Variants in DPP4 observed in about 807,000 individuals in gnomAD.
DPP4 encodes dipeptidyl peptidase 4.
DPP4 carries 93 observed loss-of-function variants against 122.4 expected under a neutral mutation model. The observed-to-expected ratio is 0.76, with a 90% CI of 0.64 to 0.90. DPP4 has a LOEUF of 0.90. Ranked by LOEUF, DPP4 falls within the 40% of genes least tolerant of loss-of-function variation. The pLI is 0.00. For synonymous variants in DPP4, 321 were observed against 302.9 expected (o/e 1.06, Z -0.62); for missense variants, 914 against 907.3 (o/e 1.01, Z -0.09).
At chr2:161,995,220 C>A (rs1576028809) in intron 24 of DPP4, 80 bp downstream of exon 24, 1 of 1,390,232 alleles carries the variant, frequency 7.2e-7, no homozygotes, top group East Asian at 2.3e-5. Flanking sequence ...AACAGTCTTG[C>A]CCCTCATGCT....
intron 2 of DPP4, among the ~76,000 whole-genome samples, chr2:162,048,159 G>A (rs1312369242): frequency 2.0e-5 from 3 of 152,230 alleles, no homozygotes; most frequent in African/African-American, 7.2e-5. Flanking sequence ...CCAATTCAGG[G>A]AGCTTCATTA....
chr2:162,060,764 G>C (rs1219192994), intron 2 of DPP4, among the ~76,000 whole-genome samples: 1 of 151,948 alleles, frequency 6.6e-6, no homozygotes, highest in Non-Finnish European at 1.5e-5. Flanking sequence ...CTTCCTCCCC[G>C]ATCATTCCAC....
chr2:162,019,956 G>A (rs568084275), intron 14 of DPP4, among the ~76,000 whole-genome samples: 1 of 152,194 alleles, frequency 6.6e-6, no homozygotes, highest in Non-Finnish European at 1.5e-5. Context: ...TTGCTAGTTC[G>A]GCGTTCCACA....
At chr2:162,049,260 A>G (rs1684297271) in intron 2 of DPP4, among the ~76,000 whole-genome samples, 2 of 152,226 alleles carry the variant, frequency 1.3e-5, no homozygotes, top group African/African-American at 4.8e-5. Flanking sequence ...TATTTCTTCA[A>G]ATGTGGTACA....
chr2:162,009,580 G>GT (rs905225787), intron 20 of DPP4, among the ~76,000 whole-genome samples: 15 of 150,392 alleles, frequency 1.0e-4, no homozygotes, highest in South Asian at 8.4e-4. Flanking sequence ...AATCCTGGCA[G>GT]TTTTTTTCAC....
chr2:162,057,552 C>T (rs1684619047), intron 2 of DPP4, among the ~76,000 whole-genome samples: 1 of 152,202 alleles, frequency 6.6e-6, no homozygotes, highest in African/African-American at 2.4e-5. Flanking sequence ...AGCACCTGCT[C>T]CAGCCTCTAG....
intron 2 of DPP4, among the ~76,000 whole-genome samples, chr2:162,061,036 CCT>C (rs1327723298): frequency 8.1e-6 from 1 of 124,004 alleles, no homozygotes; most frequent in Non-Finnish European, 1.6e-5. Flanking sequence ...TTCCTTCCTT[CCT>C]CTTTCTCTTT....
At chr2:162,007,289 T>A (rs1313152214) in intron 22 of DPP4, among the ~76,000 whole-genome samples, 1 of 152,076 alleles carries the variant, frequency 6.6e-6, no homozygotes, top group Non-Finnish European at 1.5e-5. Context: ...AAACACATTT[T>A]CCCCTAGGTA....
At position 162,035,441 on chromosome 2, in the gene DPP4, C is replaced by T. The variant is rs544244371; in HGVS notation, c.614-117G>A. 6.8e-6 allele frequency: 6 copies of T among 876,708 alleles called. No individual in the cohort carries two copies. The East Asian group carries it at 8.1e-5, about 12-fold the overall frequency. 54.3% of individuals were successfully genotyped at this position (876,708 alleles called of 1,614,324 possible). A position where few individuals can be genotyped will look rare whatever the true frequency, so the allele number is the denominator to read the frequency against. On this transcript the variant is annotated intron_variant, in intron 8 of 25. Transcript: ENST00000360534. ...ACAGTAGAGTTCAACTAATGAACCA[C>T]TTTGCATTTGCTGGGCTTCCAAAAT... is the stretch of plus-strand genomic sequence containing the variant.
chr2:162,025,066 G>C, intron 10 of DPP4, 127 bp from the exon 11 acceptor site: 1 of 1,024,380 alleles, frequency 9.8e-7, no homozygotes, highest in Non-Finnish European at 1.4e-6. Flanking sequence ...AATTATAAAT[G>C]GTTAATGAAA....
intron 24 of DPP4, 26 bp downstream of exon 24, chr2:161,995,274 A>T: frequency 6.2e-7 from 1 of 1,603,980 alleles, no homozygotes; most frequent in Non-Finnish European, 8.5e-7. Flanking sequence ...CTGTGATACT[A>T]AAAAGTCTAA....
At chr2:162,061,349 C>G (rs1030736291) in intron 2 of DPP4, among the ~76,000 whole-genome samples, 8 of 152,200 alleles carry the variant, frequency 5.3e-5, no homozygotes, top group African/African-American at 1.9e-4. Flanking sequence ...AGTCTACATT[C>G]ATGGCCTTCA....
At chr2:162,045,685 G>T in intron 4 of DPP4, 73 bp from the exon 5 acceptor site, 1 of 1,079,904 alleles carries the variant, frequency 9.3e-7, no homozygotes. Flanking sequence ...TTACTTCATA[G>T]GGGGTACTGT....
rs768542849 is a variant in DPP4 at position 161,993,245 on chromosome 2, G to A, written c.*38C>T. ...TTTGAGATAATGAAAACAAAAATGA[G>A]TTTTAATAAGCTTTAAATGGCATGG... On this transcript the variant is annotated 3_prime_UTR_variant, in exon 26 of 26. Transcript: ENST00000360534. 1.3e-5 allele frequency: 19 copies of A among 1,507,666 alleles called. No individual in the cohort carries two copies. The highest frequency in any genetic ancestry group is 1.6e-5 in the Non-Finnish European group (17 of 1,084,072). The allele number at this position is 1,507,666 out of a possible 1,614,324, so 93.4% of individuals were successfully genotyped here. A position where few individuals can be genotyped will look rare whatever the true frequency, so the allele number is the denominator to read the frequency against.
At chr2:162,045,094 C>G (rs571570492) in intron 5 of DPP4, among the ~76,000 whole-genome samples, 1 of 151,952 alleles carries the variant, frequency 6.6e-6, no homozygotes, top group East Asian at 1.9e-4. Flanking sequence ...TCCTAAGTAG[C>G]TGGGACTATA....
At position 162,046,882 on chromosome 2, in the gene DPP4, C is replaced by A. The variant is rs1450134586; in HGVS notation, c.285+33G>T. Reference sequence around the variant, plus strand: ...GGTAATGAAAAAAATCCCCAGAATTCTATGCATGAATTAATTACGTGATTA... The same window carrying A: ...GGTAATGAAAAAAATCCCCAGAATTATATGCATGAATTAATTACGTGATTA... On this transcript the variant is annotated intron_variant, in intron 4 of 25. Transcript: ENST00000360534. 1.1e-5 allele frequency: 15 copies of A among 1,369,126 alleles called. 1 individual carries two copies. In the South Asian group the frequency reaches 1.3e-4, roughly 12 times the overall value. The allele number at this position is 1,369,126 out of a possible 1,614,324, so 84.8% of individuals were successfully genotyped here. A position where few individuals can be genotyped will look rare whatever the true frequency, so the allele number is the denominator to read the frequency against.
At chr2:162,008,055 T>C (rs996286476) in intron 22 of DPP4, among the ~76,000 whole-genome samples, 8 of 152,054 alleles carry the variant, frequency 5.3e-5, no homozygotes, top group Non-Finnish European at 7.4e-5. Flanking sequence ...TGATGCCTTA[T>C]AAAATAATAC....
chr2:162,024,924 A>G lies in DPP4; in HGVS notation c.903T>C (p.Cys301=). The G allele has an allele frequency of 6.2e-7, 1 of 1,613,516 alleles. No homozygotes were observed. The highest frequency in any genetic ancestry group is 8.5e-7 in the Non-Finnish European group (1 of 1,180,000). ...TTTCTTGTGTTGCCCATGTCACATC[A>G]CACAAGTAGTGATCCCTGGAAGGAA... ...ASMLIGDHYL[C]DVTWATQERI... Residue 301 remains cysteine (C), a synonymous_variant, in exon 11 of 26, where the codon TGT becomes TGC. Coordinates refer to ENST00000360534, the MANE Select transcript of DPP4 (RefSeq NM_001935.4).
intron 2 of DPP4, among the ~76,000 whole-genome samples, chr2:162,060,580 C>A (rs1185067832): frequency 6.6e-6 from 1 of 152,124 alleles, no homozygotes; most frequent in African/African-American, 2.4e-5. Flanking sequence ...TCAGGTCCTG[C>A]AGTATACATT....
Sources: allele counts gnomAD v4.1 joint callset (sites outside exome capture counted in the v4.1 genomes callset), GRCh38; gene constraint gnomAD v4.1.1; transcripts MANE v1.5; gene names NCBI Gene and HGNC (gene_info 2026-07-23, HGNC 2026-07-21).